WDPCP: variants seen among roughly 807,000 people sequenced by gnomAD.
WDPCP encodes WD repeat-containing and planar cell polarity effector protein fritz homolog.
In WDPCP, 71 loss-of-function variants were observed where a neutral mutation model predicts 93.1. The observed-to-expected ratio is 0.76, with a 90% CI of 0.63 to 0.93. The LOEUF is 0.93. WDPCP is among the 40% of genes least tolerant of loss of function. WDPCP has a pLI of 0.00. For synonymous variants in WDPCP, 315 were observed against 315.0 expected, an observed-to-expected ratio of 1.00 and a Z score of 0.00; for missense variants, 844 against 887.4, an observed-to-expected ratio of 0.95 and a Z score of 0.62.
intron 13 of WDPCP, among the ~76,000 whole-genome samples, chr2:63,291,776 T>C (rs1195222849): frequency 6.7e-6 from 1 of 148,614 alleles, no homozygotes; most frequent in East Asian, 2.0e-4. Flanking sequence ...GCCATTGCAC[T>C]CCAGCCTGGG....
chr2:63,815,839 A>G (rs967704700), intron 1 of WDPCP, among the ~76,000 whole-genome samples: 1 of 152,220 alleles, frequency 6.6e-6, no homozygotes, highest in Admixed American at 6.5e-5. Context: ...GTAACAAAAC[A>G]AAAGACACAA....
At chr2:63,442,173 C>T (rs1411594406) in intron 6 of WDPCP, 1 of 152,116 alleles carries the variant, frequency 6.6e-6, no homozygotes, top group Non-Finnish European at 1.5e-5. Flanking sequence ...AGAGCACAGA[C>T]TCTGAAATCA....
intron 13 of WDPCP, among the ~76,000 whole-genome samples, chr2:63,310,082 AAAGT>A (rs1317429583): frequency 6.6e-6 from 1 of 152,182 alleles, no homozygotes. Flanking sequence ...AAATATTTGA[AAAGT>A]GAGTAATATA....
At chr2:63,810,854 G>A (rs773111089) in intron 2 of WDPCP, among the ~76,000 whole-genome samples, 5 of 152,150 alleles carry the variant, frequency 3.3e-5, no homozygotes, top group South Asian at 4.1e-4. Flanking sequence ...TTGTTGTGCT[G>A]AGCCCTGAAG....
At chr2:63,710,376 C>T (rs973843939) in intron 2 of WDPCP, among the ~76,000 whole-genome samples, 2 of 152,210 alleles carry the variant, frequency 1.3e-5, no homozygotes, top group African/African-American at 4.8e-5. Flanking sequence ...AACATATCTT[C>T]TCCTTTCCAT....
intron 12 of WDPCP, among the ~76,000 whole-genome samples, chr2:63,367,941 A>G (rs995012605): frequency 1.3e-5 from 2 of 152,244 alleles, no homozygotes; most frequent in Non-Finnish European, 2.9e-5. Flanking sequence ...AACTAATTCA[A>G]CACTGCTGAG....
chr2:63,722,961 G>A (rs1017606859), intron 2 of WDPCP, among the ~76,000 whole-genome samples: 8 of 152,140 alleles, frequency 5.3e-5, no homozygotes, highest in African/African-American at 1.9e-4. Flanking sequence ...TCTGCCTTGG[G>A]ATCCTGTTGA....
At chr2:63,447,735 G>A (rs1001947488) in intron 6 of WDPCP, among the ~76,000 whole-genome samples, 12 of 151,976 alleles carry the variant, frequency 7.9e-5, no homozygotes, top group African/African-American at 2.9e-4. Flanking sequence ...AGTAAAAATA[G>A]GGAGGTAGAT....
chr2:63,378,368 T>C lies in WDPCP; in HGVS notation c.1748+18A>G, dbSNP rs2104857099. 6.2e-7 allele frequency: 1 copy of C among 1,612,640 alleles called. No homozygotes were observed. Among genetic ancestry groups the C allele is most frequent in the Non-Finnish European group, 8.5e-7 (1 of 1,179,150 alleles). On this transcript the variant is annotated intron_variant, in intron 12 of 17. Coordinates refer to ENST00000272321, the MANE Select transcript of WDPCP (RefSeq NM_015910.7). The stretch of plus-strand genomic sequence containing the variant: ...AAGTAATTAGTCTGACGCTAATCAA[T>C]CCAAACATATCATTCACCTGAGCAA...
intron 2 of WDPCP, 136 bp downstream of exon 2, chr2:63,492,720 T>A (rs1575520602): frequency 1.3e-6 from 1 of 756,058 alleles, no homozygotes; most frequent in East Asian, 2.6e-5. Context: ...TTATTTTCCA[T>A]TAACCAATTT....
intron 2 of WDPCP, among the ~76,000 whole-genome samples, chr2:63,702,963 C>G (rs574302190): frequency 6.6e-6 from 1 of 151,630 alleles, no homozygotes; most frequent in East Asian, 1.9e-4. Context: ...TGAGTGAGAA[C>G]ATGTGGTGTT....
rs545604667 is a variant in WDPCP, at chr2:63,794,999, T to C, written n.308+18623A>G. ...AGCTCACCTGAGGACAAAGTCAATA[T>C]GCTGAAAATGACAACACAGAAAAGT... On this transcript the variant is annotated intron_variant and non_coding_transcript_variant, in intron 2 of 4. Coordinates refer to the WDPCP transcript ENST00000467687. 6.4e-4 allele frequency among the ~76,000 whole-genome samples: 97 copies of C among 152,338 alleles called. 1 individual carries two copies. Among genetic ancestry groups the C allele is most frequent in the African/African-American group, 2.1e-3 (89 of 41,576 alleles).
At chr2:63,702,872 TC>T (rs1669080993) in intron 2 of WDPCP, among the ~76,000 whole-genome samples, 1 of 150,600 alleles carries the variant, frequency 6.6e-6, no homozygotes, top group South Asian at 2.1e-4. Context: ...CCCTCCCCTC[TC>T]CCCCCACCCC....
chr2:63,500,454 GGTGT>G (rs35916043), intron 1 of WDPCP, among the ~76,000 whole-genome samples: 17 of 149,474 alleles, frequency 1.1e-4, no homozygotes, highest in Admixed American at 4.6e-4. Flanking sequence ...ATGGTGTGGG[GGTGT>G]GTGTGTGTGT....
At chr2:63,545,842 C>T (rs1427557461) in intron 1 of WDPCP, among the ~76,000 whole-genome samples, 2 of 145,900 alleles carry the variant, frequency 1.4e-5, no homozygotes, top group Admixed American at 6.9e-5. Flanking sequence ...TTCTTCTGAA[C>T]GAGGCGCTCA....
chr2:63,627,874 C>T (rs1167198176), intron 3 of WDPCP, among the ~76,000 whole-genome samples: 1 of 152,240 alleles, frequency 6.6e-6, no homozygotes, highest in Non-Finnish European at 1.5e-5. Context: ...AAGGCTGTCA[C>T]ACTGACCCTC....
intron 13 of WDPCP, among the ~76,000 whole-genome samples, chr2:63,300,962 G>A (rs1290473901): frequency 6.6e-6 from 1 of 151,932 alleles, no homozygotes; most frequent in Non-Finnish European, 1.5e-5. Flanking sequence ...GTCTCTCTCT[G>A]TCCTTGGTCT....
At chr2:63,521,803 A>T (rs899026556) in intron 1 of WDPCP, among the ~76,000 whole-genome samples, 5 of 152,150 alleles carry the variant, frequency 3.3e-5, no homozygotes, top group African/African-American at 1.2e-4. Flanking sequence ...TCAGCAAATT[A>T]AAAAACACCA....
At position 63,403,941 on chromosome 2, in the gene WDPCP, G is replaced by C; in HGVS notation, c.1435+107C>G. ...ATATTTGAAAGGCAAACATATTTATGGGATGATAAATAGAAAAATCTACAT... is the reference window on the plus strand; with the variant it reads ...ATATTTGAAAGGCAAACATATTTATCGGATGATAAATAGAAAAATCTACAT... On this transcript the variant is annotated intron_variant, in intron 10 of 17. Coordinates refer to ENST00000272321, the MANE Select transcript of WDPCP (RefSeq NM_015910.7). The C allele has an allele frequency of 2.7e-6, 4 of 1,461,514 alleles. No individual in the cohort carries two copies. The African/African-American group carries it at 4.2e-5, about 15-fold the overall frequency. 90.5% of individuals were successfully genotyped at this position (1,461,514 alleles called of 1,614,324 possible). A position where few individuals can be genotyped will look rare whatever the true frequency, so the allele number is the denominator to read the frequency against.
Sources: allele counts gnomAD v4.1 joint callset (sites outside exome capture counted in the v4.1 genomes callset), GRCh38; gene constraint gnomAD v4.1.1; transcripts MANE v1.5; gene names NCBI Gene and HGNC (gene_info 2026-07-23, HGNC 2026-07-21).